The following SYN1 variants were observed in gnomAD, a reference collection of about 807,000 sequenced individuals.
The protein encoded by SYN1 is synapsin I.
In SYN1, 8 loss-of-function variants were observed where a neutral mutation model predicts 44.6. The ratio of observed to expected loss-of-function variants is 0.18; its 90% CI spans 0.11 to 0.32. The LOEUF is 0.32. Among genes scored for constraint, SYN1 ranks in the 10% least tolerant of loss-of-function variants. The pLI is 1.00. For missense variants in SYN1, 451 were observed against 639.4 expected (o/e 0.71, Z 3.18); for synonymous variants, 275 against 280.1 (o/e 0.98, Z 0.18).
chrX:47,619,274 GCGCTCGATAATTGCTCATTCGCAGAAGAA>G, intron 1 of SYN1, 49 bp downstream of exon 1: 1 of 1,176,871 alleles, frequency 8.5e-7, no homozygotes, highest in Non-Finnish European at 1.1e-6. Context: ...CACACAAGCG[GCGCTCGATAATTGCTCATTCGCAGAAGAA>G]CGATCTGGGG....
chrX:47,606,549 A>ACC, intron 3 of SYN1, among the ~76,000 whole-genome samples: 1 of 104,467 alleles, frequency 9.6e-6, no homozygotes. Context: ...CATAGTGAGG[A>ACC]CCCCCCCCAT....
intron 10 of SYN1, among the ~76,000 whole-genome samples, 175 bp downstream of exon 10, chrX:47,574,953 A>C (rs759058758): frequency 1.8e-5 from 2 of 112,110 alleles, no homozygotes; most frequent in Non-Finnish European, 3.8e-5. Flanking sequence ...GGAGGTGCTC[A>C]GGGAAGTCAG....
In SYN1 at chrX:47,576,652, C is replaced by T. The variant is rs373591101; in HGVS notation, c.838-12G>A. On this transcript the variant is annotated splice_polypyrimidine_tract_variant and intron_variant, in intron 6 of 12. Coordinates refer to ENST00000295987, the MANE Select transcript of SYN1 (RefSeq NM_006950.3). ...TTGTCAACCTTGACCTGTGGAAGTG[C>T]GGGCAAGGATCAGGGCCTGGTCAGG... The T allele has an allele frequency of 9.1e-6, 11 of 1,209,542 alleles. No individual in the cohort carries two copies. The highest frequency in any genetic ancestry group is 3.5e-5 in the African/African-American group (2 of 57,020).
intron 1 of SYN1, among the ~76,000 whole-genome samples, chrX:47,615,213 A>G (rs1050607817): frequency 3.6e-5 from 4 of 112,290 alleles, no homozygotes; most frequent in African/African-American, 1.3e-4. Flanking sequence ...TGTAACATAT[A>G]AAATGTTGTA....
chrX:47,609,478 C>A (rs1454665602), intron 1 of SYN1, among the ~76,000 whole-genome samples: 2 of 112,461 alleles, frequency 1.8e-5, no homozygotes, highest in Non-Finnish European at 3.8e-5. Context: ...TCTTCCTCTG[C>A]TCAACCCAAC....
Position 47,574,779 on chromosome X carries a change from C to T in SYN1, c.1306-4G>A, listed in dbSNP as rs760183738. ...GCAGGGCCCCTGGGGACGGAGTCTG[C>T]GGCAGAGGAATGGAGCAGGAGAGGT... On this transcript the variant is annotated splice_polypyrimidine_tract_variant and splice_region_variant and intron_variant, in intron 10 of 12. Transcript: ENST00000295987. The T allele has an allele frequency of 8.5e-7, 1 of 1,179,470 alleles. No individual in the cohort carries two copies. The highest frequency in any genetic ancestry group is 1.1e-6 in the Non-Finnish European group (1 of 877,645).
At chrX:47,601,712 TCATAAGAAAA>T (rs2147926207) in intron 5 of SYN1, among the ~76,000 whole-genome samples, 1 of 112,299 alleles carries the variant, frequency 8.9e-6, no homozygotes, top group African/African-American at 3.2e-5. Context: ...GAAAAAGACA[TCATAAGAAAA>T]CTACAGAGCA....
At position 47,608,448 on chromosome X, in the gene SYN1, G is replaced by C. The variant is rs900137885; in HGVS notation, c.378-1250C>G. Among the ~76,000 whole-genome samples the C allele has an allele frequency of 6.3e-5, 7 of 111,949 alleles. No individual in the cohort carries two copies. In the East Asian group the frequency reaches 2.0e-3, roughly 31 times the overall value. On this transcript the variant is annotated intron_variant, in intron 1 of 12. Coordinates refer to ENST00000295987, the MANE Select transcript of SYN1 (RefSeq NM_006950.3). ...CATCTCTCTGCTCTCTGGCCCTTTCGCAAGGAGGAGCACATTCACCATGTG... is the reference window on the plus strand; with the variant it reads ...CATCTCTCTGCTCTCTGGCCCTTTCCCAAGGAGGAGCACATTCACCATGTG...
intron 3 of SYN1, among the ~76,000 whole-genome samples, chrX:47,606,461 T>C (rs1435487767): frequency 9.1e-6 from 1 of 110,226 alleles, no homozygotes; most frequent in Non-Finnish European, 1.9e-5. Flanking sequence ...TGGCGGCTCA[T>C]GCCTGTAATC....
chrX:47,603,342 G>A (rs1416245362), intron 5 of SYN1, among the ~76,000 whole-genome samples: 1 of 111,247 alleles, frequency 9.0e-6, no homozygotes, highest in Non-Finnish European at 1.9e-5. Context: ...GACTACAGGT[G>A]TATGCCACCA....
rs781460230 is a variant in SYN1 at position 47,611,500 on chromosome X, TC to T, written c.378-4303del. On this transcript the variant is annotated intron_variant, in intron 1 of 12. Transcript: ENST00000295987. ...GTGGCTGCTGACTTGGCAAATGCATTCTTTTTTATTCTGATTAGAAAAAAGG... is the reference window on the plus strand; with the variant it reads ...GTGGCTGCTGACTTGGCAAATGCATTTTTTTTATTCTGATTAGAAAAAAGG... 3.6e-5 allele frequency among the ~76,000 whole-genome samples: 4 copies of T among 112,521 alleles called. No homozygotes were observed. The East Asian group carries it at 1.1e-3, about 31-fold the overall frequency.
At chrX:47,604,001 G>C (rs952128887) in intron 5 of SYN1, among the ~76,000 whole-genome samples, 1 of 105,197 alleles carries the variant, frequency 9.5e-6, no homozygotes. Flanking sequence ...TCCGCCTCCC[G>C]GGTTCCAGCG....
At chrX:47,574,837 C>T in intron 10 of SYN1, 62 bp from the exon 11 acceptor site, 1 of 1,032,726 alleles carries the variant, frequency 9.7e-7, no homozygotes, top group South Asian at 2.0e-5. Context: ...GAGCATCAGC[C>T]AGTGATGACA....
chrX:47,614,817 T>C (rs1172677262), intron 1 of SYN1, among the ~76,000 whole-genome samples: 1 of 111,862 alleles, frequency 8.9e-6, no homozygotes, highest in Non-Finnish European at 1.9e-5. Flanking sequence ...ATGACTGACA[T>C]AGGAATTCAA....
At chrX:47,588,235 G>C (rs921092292) in intron 5 of SYN1, among the ~76,000 whole-genome samples, 2 of 113,000 alleles carry the variant, frequency 1.8e-5, no homozygotes, top group African/African-American at 6.4e-5. Context: ...GCCAACCGCA[G>C]CCTTTGCTGA....
intron 5 of SYN1, chrX:47,585,898 C>T (rs1402953877): frequency 3.5e-6 from 4 of 1,127,558 alleles, no homozygotes; most frequent in Non-Finnish European, 4.7e-6. Context: ...CCTGTCCCTC[C>T]CTGGTCCCTC....
intron 5 of SYN1, chrX:47,583,454 G>A: frequency 8.3e-7 from 1 of 1,207,677 alleles, no homozygotes; most frequent in Middle Eastern, 2.3e-4. Flanking sequence ...GCATCCTGTT[G>A]TTGCTGTGGC....
intron 5 of SYN1, chrX:47,582,653 C>T: frequency 3.1e-6 from 1 of 323,024 alleles, no homozygotes; most frequent in South Asian, 2.8e-5. Context: ...CTTTCCCAAC[C>T]CCGAGGCTCC....
intron 5 of SYN1, among the ~76,000 whole-genome samples, chrX:47,593,730 A>AT (rs745689039): frequency 8.9e-6 from 1 of 111,879 alleles, no homozygotes; most frequent in East Asian, 2.8e-4. Flanking sequence ...GGGCCTGATG[A>AT]TTTTTTATGG....
Sources: gnomAD v4.1 joint callset for allele counts (sites outside exome capture counted in the v4.1 genomes callset) on GRCh38, gnomAD v4.1.1 for gene constraint, MANE v1.5 for transcripts, NCBI Gene and HGNC (gene_info 2026-07-23, HGNC 2026-07-21) for gene names.